The following HEATR4 variants were observed in gnomAD, a reference collection of about 807,000 sequenced individuals.
The protein encoded by HEATR4 is HEAT repeat-containing protein 4.
HEATR4 carries 95 observed loss-of-function variants against 108.8 expected under a neutral mutation model. That is an observed-to-expected ratio of 0.87 (90% CI 0.74 to 1.04). The LOEUF (loss-of-function observed/expected upper bound fraction) is 1.04, where lower values mean the gene tolerates loss of function less well. Ranked by LOEUF, HEATR4 falls within the 50% of genes least tolerant of loss-of-function variation. HEATR4 has a pLI of 0.00. For synonymous variants in HEATR4, 443 were observed against 459.4 expected, an observed-to-expected ratio of 0.96 and a Z score of 0.46; for missense variants, 1,152 against 1,253.8, an observed-to-expected ratio of 0.92 and a Z score of 1.23.
chr14:73,503,585 TCTTC>T (rs1402330538), intron 10 of HEATR4, among the ~76,000 whole-genome samples: 1 of 152,220 alleles, frequency 6.6e-6, no homozygotes, highest in Non-Finnish European at 1.5e-5. Context: ...GTCTTTGTAG[TCTTC>T]CTTTAGGATT....
the HEATR4 span, among the ~76,000 whole-genome samples, chr14:73,593,137 C>T: frequency 6.6e-6 from 1 of 152,192 alleles, no homozygotes; most frequent in Non-Finnish European, 1.5e-5. Flanking sequence ...ACTGTCTCTT[C>T]TCCACTTCTT....
chr14:73,524,801 G>A (rs544116183), intron 2 of HEATR4, among the ~76,000 whole-genome samples: 4 of 151,968 alleles, frequency 2.6e-5, no homozygotes, highest in South Asian at 4.2e-4. Context: ...TAAGGATGAA[G>A]GAGAGACCAT....
the HEATR4 span, among the ~76,000 whole-genome samples, chr14:73,606,364 A>G: frequency 8.5e-6 from 1 of 117,918 alleles, no homozygotes; most frequent in East Asian, 3.7e-4. Context: ...CTCAAAAAGA[A>G]ACAAACAAAC....
intron 17 of HEATR4, among the ~76,000 whole-genome samples, chr14:73,484,085 G>A (rs916143431): frequency 6.6e-5 from 10 of 151,902 alleles, no homozygotes; most frequent in African/African-American, 2.4e-4. Context: ...TCAAACTCCC[G>A]ACCTCAGGTG....
At chr14:73,571,876 A>T in the HEATR4 span, among the ~76,000 whole-genome samples, 2 of 152,114 alleles carry the variant, frequency 1.3e-5, no homozygotes, top group Non-Finnish European at 2.9e-5. Flanking sequence ...AGGTTACTGG[A>T]TACTTTTATA....
chr14:73,574,391 C>A, the HEATR4 span: 12,995 of 198,028 alleles, frequency 0.066, 602 homozygotes, highest in African/African-American at 0.19. Flanking sequence ...CAGCCTCCCA[C>A]GTAGCTGTGA....
chr14:73,556,511 G>A (rs1889398328), intron 1 of HEATR4, among the ~76,000 whole-genome samples: 1 of 114,278 alleles, frequency 8.8e-6, no homozygotes, highest in South Asian at 2.8e-4. Flanking sequence ...CACATGATAG[G>A]TCTGTTTTGA....
chr14:73,550,519 G>T (rs1346465256), intron 1 of HEATR4, among the ~76,000 whole-genome samples: 1 of 113,516 alleles, frequency 8.8e-6, no homozygotes, highest in Non-Finnish European at 1.9e-5. Context: ...GCACACAGAA[G>T]ACCACCCGGA....
At chr14:73,617,572 T>C in the HEATR4 span, among the ~76,000 whole-genome samples, 3 of 152,160 alleles carry the variant, frequency 2.0e-5, no homozygotes, top group African/African-American at 7.2e-5. Context: ...AGCACAGGAC[T>C]AAAAAAAGTT....
chr14:73,513,044 G>A (rs1046036032), intron 6 of HEATR4, among the ~76,000 whole-genome samples: 4 of 152,184 alleles, frequency 2.6e-5, no homozygotes, highest in African/African-American at 4.8e-5. Context: ...CCAACTCTAC[G>A]AATGAATTTT....
chr14:73,617,858 A>C, the HEATR4 span, among the ~76,000 whole-genome samples: 2 of 152,052 alleles, frequency 1.3e-5, no homozygotes, highest in Non-Finnish European at 2.9e-5. Flanking sequence ...TAATTAAAAC[A>C]TTTTGGCCAG....
chr14:73,521,286 C>G (rs1201155715), intron 3 of HEATR4, among the ~76,000 whole-genome samples: 1 of 152,134 alleles, frequency 6.6e-6, no homozygotes, highest in Non-Finnish European at 1.5e-5. Context: ...CTGCAGCCAC[C>G]AAGCAGCAGG....
intron 12 of HEATR4, 53 bp from the exon 13 acceptor site, chr14:73,499,193 A>G: frequency 2.6e-6 from 4 of 1,517,398 alleles, no homozygotes; most frequent in Non-Finnish European, 3.7e-6. Context: ...AGAATGAACC[A>G]GAAACAGCTG....
Position 73,513,139 on chromosome 14 carries a change from T to G in HEATR4, c.1414+892A>C, listed in dbSNP as rs190300312. Among the ~76,000 whole-genome samples the G allele has an allele frequency of 2.9e-3, 435 of 152,354 alleles. 5 individuals carry two copies. The highest frequency in any genetic ancestry group is 9.9e-3 in the African/African-American group (411 of 41,590). ...TTTGTTCTTCCCTTCATACATCATT[T>G]GCTGAGCATAAAGTTTGGAAAACAA... On this transcript the variant is annotated intron_variant, in intron 6 of 17. Transcript: ENST00000553558.
Position 73,489,927 on chromosome 14 carries a change from A to G in HEATR4, c.2844+3139T>C, listed in dbSNP as rs528881683. Among the ~76,000 whole-genome samples, 40 of 152,382 alleles carry G rather than the reference A, an allele frequency of 2.6e-4. No homozygotes were observed. In the South Asian group the frequency reaches 8.1e-3, roughly 31 times the overall value. On this transcript the variant is annotated intron_variant, in intron 17 of 17. Coordinates refer to ENST00000553558, the MANE Select transcript of HEATR4 (RefSeq NM_001220484.1). ...CAATCAGTGAATTCATCTGCAGAGC[A>G]GAAGTTTCTGCGGAACTCAAACTGC...
chr14:73,612,438 C>T, the HEATR4 span: 1 of 555,396 alleles, frequency 1.8e-6, no homozygotes, highest in Non-Finnish European at 2.8e-6. Flanking sequence ...CGGCCTGGAG[C>T]CTGTCCCCAA....
chr14:73,518,973 G>A (rs1887804612), intron 5 of HEATR4, 50 bp downstream of exon 5: 3 of 1,562,386 alleles, frequency 1.9e-6, no homozygotes, highest in Non-Finnish European at 2.6e-6. Flanking sequence ...ATGGGAAGTA[G>A]CCACATTCCC....
intron 16 of HEATR4, 121 bp from the exon 17 acceptor site, chr14:73,493,245 C>A: frequency 2.6e-6 from 2 of 781,810 alleles, no homozygotes; most frequent in Admixed American, 2.5e-5. Flanking sequence ...CTGACCATGT[C>A]GTTCTGCTTG....
At chr14:73,491,484 C>A in intron 17 of HEATR4, 2 of 1,498,990 alleles carry the variant, frequency 1.3e-6, no homozygotes, top group Admixed American at 2.2e-5. Flanking sequence ...CAACACTTAG[C>A]GGCCGTCCAG....
Sources: gnomAD v4.1 joint callset for allele counts (sites outside exome capture counted in the v4.1 genomes callset) on GRCh38, gnomAD v4.1.1 for gene constraint, MANE v1.5 for transcripts, NCBI Gene and HGNC (gene_info 2026-07-23, HGNC 2026-07-21) for gene names.